ABLIM2: variants seen among roughly 807,000 people sequenced by gnomAD.
ABLIM2 encodes actin-binding LIM protein 2.
Under a neutral mutation model 97.7 loss-of-function variants are expected in ABLIM2, and 53 were observed. That is an observed-to-expected ratio of 0.54 (90% CI 0.44 to 0.68). ABLIM2 has a LOEUF of 0.68. ABLIM2 is among the 30% of genes least tolerant of loss of function. The pLI is 0.00. For synonymous variants in ABLIM2, 361 were observed against 345.8 expected, an observed-to-expected ratio of 1.04 and a Z score of -0.49; for missense variants, 835 against 867.2, an observed-to-expected ratio of 0.96 and a Z score of 0.47.
intron 5 of ABLIM2, among the ~76,000 whole-genome samples, chr4:8,079,536 G>C (rs2385919): frequency 0.064 from 9,695 of 152,226 alleles, 668 homozygotes; most frequent in African/African-American, 0.17. Flanking sequence ...GCTCACCTTG[G>C]TTTGGAGGTT....
chr4:8,148,752 G>C lies in ABLIM2; in HGVS notation c.10+9928C>G, dbSNP rs1328080561. Among the ~76,000 whole-genome samples, 2 of 152,186 alleles carry C rather than the reference G, an allele frequency of 1.3e-5. No homozygotes were observed. The highest frequency in any genetic ancestry group is 2.9e-5 in the Non-Finnish European group (2 of 68,028). On this transcript the variant is annotated intron_variant, in intron 1 of 20. Coordinates refer to ENST00000447017, the MANE Select transcript of ABLIM2 (RefSeq NM_001130083.2). This position sits in a 1 kb window ranked among gnomAD's most constrained non-coding sequence, Gnocchi z 6.7. ...AACTCAGAGTCGGAAAGATCCTCTA[G>C]GACAAGCCCAACCCCAACAGAGATG...
chr4:8,030,491 T>C (rs541441291), intron 10 of ABLIM2, among the ~76,000 whole-genome samples: 2 of 152,300 alleles, frequency 1.3e-5, no homozygotes, highest in African/African-American at 4.8e-5. Flanking sequence ...AGCACAGTGA[T>C]GAGCAAAGGA....
rs2150875095 is a variant in ABLIM2 at position 8,019,757 on chromosome 4, C to A, written c.1370-86G>T. 7.9e-7 allele frequency: 1 copy of A among 1,272,134 alleles called. No homozygotes were observed. Among genetic ancestry groups the A allele is most frequent in the South Asian group, 1.2e-5 (1 of 80,510 alleles). The allele number at this position is 1,272,134 out of a possible 1,614,324, so 78.8% of individuals were successfully genotyped here. A position where few individuals can be genotyped will look rare whatever the true frequency, so the allele number is the denominator to read the frequency against. ...TTTCTGTTCTACAGCTTTTTGTAAG[C>A]AACAAGCACTCACCCAGATTTAGAA... is the stretch of plus-strand genomic sequence containing the variant. On this transcript the variant is annotated intron_variant, in intron 13 of 20. Transcript: ENST00000447017. The surrounding 1 kb of genome is among the most constrained non-coding windows in gnomAD (Gnocchi z 4.3).
At position 7,986,279 on chromosome 4, in the gene ABLIM2, C is replaced by T. The variant is rs1671136444; in HGVS notation, c.1681-1386G>A. On this transcript the variant is annotated intron_variant, in intron 17 of 20. Coordinates refer to ENST00000447017, the MANE Select transcript of ABLIM2 (RefSeq NM_001130083.2). This position sits in a 1 kb window ranked among gnomAD's most constrained non-coding sequence, Gnocchi z 4.3. ...TAGGAAATCAGTGAGGAGCTGGTTA[C>T]AGCCTAGAGAGCACGAGAGCAGGAA... Among the ~76,000 whole-genome samples, 2 of 152,170 alleles carry T rather than the reference C, an allele frequency of 1.3e-5. No homozygotes were observed. Among genetic ancestry groups the T allele is most frequent in the Admixed American group, 1.3e-4 (2 of 15,268 alleles).
intron 1 of ABLIM2, among the ~76,000 whole-genome samples, chr4:8,139,073 G>A (rs1385048042): frequency 6.6e-6 from 1 of 152,218 alleles, no homozygotes; most frequent in African/African-American, 2.4e-5. Context: ...GCAGACACTT[G>A]TAATCCCAGC....
chr4:8,116,398 C>A (rs1578180667), intron 1 of ABLIM2, among the ~76,000 whole-genome samples: 2 of 152,328 alleles, frequency 1.3e-5, no homozygotes, highest in South Asian at 4.1e-4. Flanking sequence ...GCCACCTCCT[C>A]CTCACTCTCC....
chr4:8,014,251 G>C (rs568828780), intron 14 of ABLIM2, among the ~76,000 whole-genome samples: 89 of 152,358 alleles, frequency 5.8e-4, no homozygotes, highest in African/African-American at 2.0e-3. Context: ...GGTGCCCGGG[G>C]TTTCATCCCT....
intron 9 of ABLIM2, among the ~76,000 whole-genome samples, chr4:8,042,714 C>T (rs1328155139): frequency 2.6e-5 from 4 of 151,912 alleles, no homozygotes; most frequent in South Asian, 2.1e-4. Flanking sequence ...TGGCACATGT[C>T]TATAATCCTA....
At chr4:8,052,401 T>C (rs1023063376) in intron 8 of ABLIM2, among the ~76,000 whole-genome samples, 2 of 152,234 alleles carry the variant, frequency 1.3e-5, no homozygotes, top group African/African-American at 4.8e-5. Context: ...TCAGGGTAGC[T>C]TGTAGAATGA....
At position 8,054,775 on chromosome 4, in the gene ABLIM2, G is replaced by A. The variant is rs1407430256; in HGVS notation, c.764-529C>T. Among the ~76,000 whole-genome samples, 4 of 152,118 alleles carry A rather than the reference G, an allele frequency of 2.6e-5. No individual in the cohort carries two copies. Among genetic ancestry groups the A allele is most frequent in the Non-Finnish European group, 5.9e-5 (4 of 68,008 alleles). On this transcript the variant is annotated intron_variant, in intron 7 of 20. Transcript: ENST00000447017. The surrounding 1 kb of genome is among the most constrained non-coding windows in gnomAD (Gnocchi z 4.9). ...GAAGAGAGAACCTCAGCTGGGAAGT[G>A]GGCCTGCTCCTTAGGGTATGGGGTG...
chr4:8,060,913 C>T (rs73216473), intron 7 of ABLIM2, 54 bp downstream of exon 7: 107,900 of 1,451,248 alleles, frequency 0.074, 4,528 homozygotes, highest in South Asian at 0.11. Flanking sequence ...GTGTGGACAT[C>T]GAAGAGGGTA....
chr4:8,091,108 C>G (rs117711829), intron 3 of ABLIM2, among the ~76,000 whole-genome samples: 1 of 150,098 alleles, frequency 6.7e-6, no homozygotes, highest in Non-Finnish European at 1.5e-5. Flanking sequence ...GAGGGACACT[C>G]CTCTGGCTTC....
At chr4:8,065,081 C>T (rs939639649) in intron 6 of ABLIM2, among the ~76,000 whole-genome samples, 1 of 152,038 alleles carries the variant, frequency 6.6e-6, no homozygotes, top group Non-Finnish European at 1.5e-5. Context: ...GAGACATGGT[C>T]TCTACAAAAA....
In ABLIM2 at chr4:8,015,277, G is replaced by C. The variant is rs1328898960; in HGVS notation, c.1423+4341C>G. ...CATTCACTGCACTGCAGAAGGAGAG[G>C]TTAGCGTGTCTTTTGTATCACACAG... On this transcript the variant is annotated intron_variant, in intron 14 of 20. Coordinates refer to ENST00000447017, the MANE Select transcript of ABLIM2 (RefSeq NM_001130083.2). This position sits in a 1 kb window ranked among gnomAD's most constrained non-coding sequence, Gnocchi z 4.6. 6.6e-6 allele frequency among the ~76,000 whole-genome samples: 1 copy of C among 152,082 alleles called. No homozygotes were observed. The highest frequency in any genetic ancestry group is 2.4e-5 in the African/African-American group (1 of 41,416).
rs903283429 is a variant in ABLIM2, at chr4:8,015,031, G to A, written c.1423+4587C>T. Among the ~76,000 whole-genome samples, 7 of 151,080 alleles carry A rather than the reference G, an allele frequency of 4.6e-5. No individual in the cohort carries two copies. Among genetic ancestry groups the A allele is most frequent in the East Asian group, 1.9e-4 (1 of 5,148 alleles). On this transcript the variant is annotated intron_variant, in intron 14 of 20. Coordinates refer to ENST00000447017, the MANE Select transcript of ABLIM2 (RefSeq NM_001130083.2). The surrounding 1 kb of genome is among the most constrained non-coding windows in gnomAD (Gnocchi z 4.6). ...CGCCTCCCAGGTTCAAGCAATTCTC[G>A]TACTTCAGCCTCCCGAGTAGCTGGG...
chr4:8,041,443 C>T (rs1022595156), intron 9 of ABLIM2: 18 of 152,208 alleles, frequency 1.2e-4, no homozygotes, highest in South Asian at 2.1e-4. Flanking sequence ...ACCTAAGCCT[C>T]GGAGTCACGG....
chr4:7,992,811 C>T lies in ABLIM2; in HGVS notation c.1680+55G>A. On this transcript the variant is annotated intron_variant, in intron 17 of 20. Transcript: ENST00000447017. The surrounding 1 kb of genome is among the most constrained non-coding windows in gnomAD (Gnocchi z 5.7). ...TGGTCAAGAAGCTGTGGGAAACGTGCTCAGCCTCACAGCAATCGTTAGTAC... is the reference window on the plus strand; with the variant it reads ...TGGTCAAGAAGCTGTGGGAAACGTGTTCAGCCTCACAGCAATCGTTAGTAC... 1 of 1,579,352 alleles carries T rather than the reference C, an allele frequency of 6.3e-7. No individual in the cohort carries two copies.
In ABLIM2 at chr4:8,051,744, G is replaced by T. The variant is rs554812274; in HGVS notation, c.822+2444C>A. Among the ~76,000 whole-genome samples, 5 of 152,232 alleles carry T rather than the reference G, an allele frequency of 3.3e-5. No homozygotes were observed. In the East Asian group the frequency reaches 9.7e-4, roughly 29 times the overall value. On this transcript the variant is annotated intron_variant, in intron 8 of 20. Coordinates refer to ENST00000447017, the MANE Select transcript of ABLIM2 (RefSeq NM_001130083.2). Reference sequence around the variant, plus strand: ...ACATGGCGATTCCTGTGGCCTTCTTGCCCTTGCCCCACATGTCCCTGGCAC... The same window carrying T: ...ACATGGCGATTCCTGTGGCCTTCTTTCCCTTGCCCCACATGTCCCTGGCAC...
At position 8,091,562 on chromosome 4, in the gene ABLIM2, T is replaced by TAAA. The variant is rs1407526220; in HGVS notation, c.339-3279_339-3278insTTT. Among the ~76,000 whole-genome samples, 20 of 56,366 alleles carry TAAA rather than the reference T, an allele frequency of 3.5e-4. 4 individuals carry two copies. The East Asian group carries it at 0.011, about 30-fold the overall frequency. 37.0% of individuals were successfully genotyped at this position (56,366 alleles called of 152,430 possible). A position where few individuals can be genotyped will look rare whatever the true frequency, so the allele number is the denominator to read the frequency against. The stretch of plus-strand genomic sequence containing the variant: ...TATATATAATATTTATAATTATATA[T>TAAA]ATTATATATAATTTTATATAAAATT... On this transcript the variant is annotated intron_variant, in intron 3 of 20. Transcript: ENST00000447017.
Sources: allele counts gnomAD v4.1 joint callset (sites outside exome capture counted in the v4.1 genomes callset), GRCh38; gene constraint gnomAD v4.1.1; non-coding constraint Gnocchi (gnomAD v3.1); transcripts MANE v1.5; gene names NCBI Gene and HGNC (gene_info 2026-07-23, HGNC 2026-07-21).